The following COL27A1 variants were observed in gnomAD, a reference collection of about 807,000 sequenced individuals.
COL27A1 encodes the protein collagen type XXVII alpha 1 chain.
A neutral mutation model predicts 251.3 loss-of-function variants in COL27A1; 106 were observed. The observed-to-expected ratio is 0.42, with a 90% CI of 0.36 to 0.50. The LOEUF (loss-of-function observed/expected upper bound fraction) is 0.50. COL27A1 is among the 20% of genes least tolerant of loss of function. The pLI is 0.00. For synonymous variants in COL27A1, 1,000 were observed against 986.3 expected, an observed-to-expected ratio of 1.01 and a Z score of -0.26; for missense variants, 2,325 against 2,522.8, an observed-to-expected ratio of 0.92 and a Z score of 1.68.
intron 34 of COL27A1, 132 bp from the exon 35 acceptor site, chr9:114,269,109 C>A: frequency 5.4e-6 from 3 of 559,834 alleles, no homozygotes; most frequent in South Asian, 5.3e-5. Flanking sequence ...TCTCTGTGGT[C>A]CCTGGGAAGA....
chr9:114,270,861 A>T, intron 36 of COL27A1, 80 bp downstream of exon 36: 1 of 1,063,438 alleles, frequency 9.4e-7, no homozygotes. Context: ...CTCCTCCCAG[A>T]AACACTGTGT....
intron 41 of COL27A1, among the ~76,000 whole-genome samples, chr9:114,287,504 C>A (rs1319749929): frequency 1.3e-5 from 2 of 151,260 alleles, no homozygotes; most frequent in African/African-American, 4.9e-5. Context: ...CTCTGTTCCG[C>A]CCCCCCCACC....
At chr9:114,304,420 G>A in intron 56 of COL27A1, 188 bp from the exon 57 acceptor site, 3 of 620,376 alleles carry the variant, frequency 4.8e-6, no homozygotes, top group Admixed American at 2.6e-5. Flanking sequence ...GGAGCTATTA[G>A]TACCTGGGGA....
intron 54 of COL27A1, 21 bp downstream of exon 54, chr9:114,301,483 G>T: frequency 6.2e-7 from 1 of 1,605,816 alleles, no homozygotes; most frequent in Non-Finnish European, 8.5e-7. Context: ...TGGGCATGAG[G>T]GCTGTGGGGC....
chr9:114,309,807 A>G (rs1157016900), intron 60 of COL27A1, among the ~76,000 whole-genome samples: 2 of 152,166 alleles, frequency 1.3e-5, no homozygotes, highest in African/African-American at 4.8e-5. Context: ...TCTTCTCATT[A>G]TATTTTTTGG....
At chr9:114,244,589 C>G (rs1015233626) in intron 23 of COL27A1, among the ~76,000 whole-genome samples, 1 of 152,178 alleles carries the variant, frequency 6.6e-6, no homozygotes, top group Non-Finnish European at 1.5e-5. Context: ...GAGCGCAGGT[C>G]ATCCATATCT....
chr9:114,176,576 T>C (rs1000948787), intron 3 of COL27A1, among the ~76,000 whole-genome samples: 1 of 151,340 alleles, frequency 6.6e-6, no homozygotes, highest in African/African-American at 2.4e-5. Context: ...AGGCCCGTGG[T>C]GTTACACCAT....
At chr9:114,231,798 C>A (rs937687877) in intron 15 of COL27A1, 24 bp from the exon 16 acceptor site, 11 of 1,613,860 alleles carry the variant, frequency 6.8e-6, no homozygotes, top group African/African-American at 1.3e-5. Flanking sequence ...CCCATCACAG[C>A]TGGCCTTGGG....
At chr9:114,300,547 C>T in intron 50 of COL27A1, 78 bp from the exon 51 acceptor site, 2 of 1,231,738 alleles carry the variant, frequency 1.6e-6, no homozygotes, top group South Asian at 1.5e-5. Context: ...GTTGACAGAC[C>T]CCAGGGGTGA....
At position 114,219,850 on chromosome 9, in the gene COL27A1, T is replaced by G; in HGVS notation, c.2421+6T>G. ...CTGGACTGGATGGAAATCCTGTGAG[T>G]ATTTCAAGTCTTTGGGAACAGGAGC... On this transcript the variant is annotated splice_donor_region_variant and intron_variant, in intron 13 of 60. Coordinates refer to ENST00000356083, the MANE Select transcript of COL27A1 (RefSeq NM_032888.4). 1 of 1,603,566 alleles carries G rather than the reference T, an allele frequency of 6.2e-7. No individual in the cohort carries two copies. The highest frequency in any genetic ancestry group is 8.5e-7 in the Non-Finnish European group (1 of 1,170,570).
intron 14 of COL27A1, among the ~76,000 whole-genome samples, chr9:114,228,568 A>T (rs932629955): frequency 6.6e-6 from 1 of 152,204 alleles, no homozygotes; most frequent in African/African-American, 2.4e-5. Context: ...GCCTAGTGTG[A>T]ATCCCAGCGG....
At chr9:114,174,169 A>C (rs552233669) in intron 3 of COL27A1, among the ~76,000 whole-genome samples, 2 of 152,160 alleles carry the variant, frequency 1.3e-5, no homozygotes, top group African/African-American at 4.8e-5. Flanking sequence ...AGTAGAGACA[A>C]GGCTTCACTA....
At chr9:114,275,790 A>G in intron 37 of COL27A1, 22 bp downstream of exon 37, 1 of 1,472,934 alleles carries the variant, frequency 6.8e-7, no homozygotes. Context: ...GGCCCCTTGC[A>G]GCGCCTGGAG....
chr9:114,259,059 C>T (rs1295202211), intron 28 of COL27A1, among the ~76,000 whole-genome samples: 2 of 152,194 alleles, frequency 1.3e-5, no homozygotes, highest in Admixed American at 1.3e-4. Flanking sequence ...AGCCTGGAAG[C>T]CCAGAGGAGG....
At chr9:114,217,152 C>T (rs961631765) in intron 12 of COL27A1, among the ~76,000 whole-genome samples, 6 of 152,180 alleles carry the variant, frequency 3.9e-5, no homozygotes, top group African/African-American at 1.4e-4. Flanking sequence ...CCATCATCGC[C>T]CTCTGGCTAG....
chr9:114,300,698 T>A lies in COL27A1; in HGVS notation c.4701+11T>A. On this transcript the variant is annotated intron_variant, in intron 51 of 60. Transcript: ENST00000356083. ...CCACCTGGCTTGATGGTGAGTTCCC[T>A]CCCTGCTGTCGGAGCAGAGATGATT... 6.7e-7 allele frequency: 1 copy of A among 1,495,774 alleles called. No individual in the cohort carries two copies. Among genetic ancestry groups the A allele is most frequent in the Non-Finnish European group, 8.9e-7 (1 of 1,124,200 alleles). 92.7% of individuals were successfully genotyped at this position (1,495,774 alleles called of 1,614,324 possible). A position where few individuals can be genotyped will look rare whatever the true frequency, so the allele number is the denominator to read the frequency against.
intron 50 of COL27A1, 195 bp from the exon 51 acceptor site, chr9:114,300,430 C>T (rs1351617118): frequency 5.1e-6 from 3 of 583,422 alleles, no homozygotes; most frequent in Non-Finnish European, 6.1e-6. Context: ...GCATATGCCA[C>T]ACAGCACTGA....
At chr9:114,196,597 TCA>T (rs1829151941) in intron 7 of COL27A1, among the ~76,000 whole-genome samples, 1 of 152,178 alleles carries the variant, frequency 6.6e-6, no homozygotes, top group Non-Finnish European at 1.5e-5. Context: ...CAGTGAGCTC[TCA>T]GAGTCTAATA....
intron 13 of COL27A1, among the ~76,000 whole-genome samples, chr9:114,220,994 C>A (rs1289404276): frequency 7.4e-3 from 789 of 107,330 alleles, no homozygotes; most frequent in East Asian, 0.011. Context: ...GACTCTGTCT[C>A]AAAAAAAAAA....
Sources: allele counts gnomAD v4.1 joint callset (sites outside exome capture counted in the v4.1 genomes callset), GRCh38; gene constraint gnomAD v4.1.1; transcripts MANE v1.5; gene names NCBI Gene and HGNC (gene_info 2026-07-23, HGNC 2026-07-21).